Variants in PCDHA3 observed in about 807,000 individuals in gnomAD.
PCDHA3 encodes the protein protocadherin alpha-3.
Under a neutral mutation model 62.2 loss-of-function variants are expected in PCDHA3, and 41 were observed. The ratio of observed to expected loss-of-function variants is 0.66; its 90% CI spans 0.51 to 0.86. The LOEUF (loss-of-function observed/expected upper bound fraction) is 0.86, where lower values mean the gene tolerates loss of function less well. Among genes scored for constraint, PCDHA3 ranks in the 40% least tolerant of loss-of-function variants. PCDHA3 has a pLI of 0.00. For missense variants in PCDHA3, 1,304 were observed against 1,241.2 expected (o/e 1.05, Z -0.76); for synonymous variants, 640 against 555.4 (o/e 1.15, Z -2.14).
At position 140,958,540 on chromosome 5, in the gene PCDHA3, A is replaced by G. The variant is rs920451567; in HGVS notation, c.2395-20409A>G. 4.6e-5 allele frequency among the ~76,000 whole-genome samples: 7 copies of G among 152,312 alleles called. 1 individual carries two copies. In the East Asian group the frequency reaches 1.3e-3, roughly 29 times the overall value. On this transcript the variant is annotated intron_variant, in intron 1 of 3. Coordinates refer to ENST00000522353, the MANE Select transcript of PCDHA3 (RefSeq NM_018906.3). ...ATATATACTATGTGTACATTGATTT[A>G]TGAACCAATAAATGTTTCATACACA... is the stretch of plus-strand genomic sequence containing the variant.
chr5:141,007,653 C>T (rs373127730), intron 3 of PCDHA3, among the ~76,000 whole-genome samples: 1 of 152,126 alleles, frequency 6.6e-6, no homozygotes, highest in African/African-American at 2.4e-5. Context: ...GCCTAAAAAA[C>T]CATAAATTTA....
chr5:140,961,515 C>T (rs2095619049), intron 1 of PCDHA3, among the ~76,000 whole-genome samples: 1 of 152,092 alleles, frequency 6.6e-6, no homozygotes, highest in Admixed American at 6.5e-5. Flanking sequence ...TTTAATGTCT[C>T]CACAAATTCT....
intron 1 of PCDHA3, among the ~76,000 whole-genome samples, chr5:140,908,825 G>A (rs1554193511): frequency 1.3e-5 from 2 of 152,252 alleles, no homozygotes; most frequent in South Asian, 2.1e-4. Flanking sequence ...TGGGTTACTC[G>A]ATAAATGGGC....
At position 140,829,130 on chromosome 5, in the gene PCDHA3, G is replaced by T. The variant is rs2150162751; in HGVS notation, c.2394+25539G>T. 5 of 1,612,440 alleles carry T rather than the reference G, an allele frequency of 3.1e-6. No homozygotes were observed. The African/African-American group carries it at 6.7e-5, about 22-fold the overall frequency. On this transcript the variant is annotated intron_variant, in intron 1 of 3. Transcript: ENST00000522353. ...GAGAATTTTGGATAAAAATGATAAC[G>T]TCCCTGAGATAGCACTGACTTCCTT...
intron 1 of PCDHA3, among the ~76,000 whole-genome samples, chr5:140,903,649 T>C (rs1335268583): frequency 6.6e-6 from 1 of 152,236 alleles, no homozygotes; most frequent in Non-Finnish European, 1.5e-5. Context: ...CATATACATA[T>C]ATTATAAATT....
intron 3 of PCDHA3, among the ~76,000 whole-genome samples, chr5:140,990,384 T>A (rs2097391380): frequency 6.6e-6 from 1 of 152,186 alleles, no homozygotes; most frequent in Non-Finnish European, 1.5e-5. Context: ...TTGTTGGTGA[T>A]GTTCCAAGAA....
intron 1 of PCDHA3, chr5:140,836,035 T>C (rs1214967185): frequency 1.2e-6 from 2 of 1,613,438 alleles, no homozygotes; most frequent in Non-Finnish European, 8.5e-7. Context: ...AACGTGACGC[T>C]GCAGGTGTTC....
At chr5:140,865,279 T>C (rs2048807818) in intron 1 of PCDHA3, 1 of 152,232 alleles carries the variant, frequency 6.6e-6, no homozygotes, top group African/African-American at 2.4e-5. Flanking sequence ...TATGTAAAAT[T>C]ACTTTGCTCT....
intron 1 of PCDHA3, chr5:140,848,087 G>A (rs1781316611): frequency 5.9e-6 from 1 of 168,072 alleles, no homozygotes; most frequent in African/African-American, 2.4e-5. Flanking sequence ...AAACTTAAGT[G>A]GAGAGTTTTC....
chr5:140,807,165 G>A (rs1444375886), intron 1 of PCDHA3: 1 of 1,603,928 alleles, frequency 6.2e-7, no homozygotes, highest in Non-Finnish European at 8.5e-7. Context: ...TATTTAATCA[G>A]AACAAAATAC....
chr5:140,849,199 A>T (rs1581177103), intron 1 of PCDHA3: 1 of 1,039,344 alleles, frequency 9.6e-7, no homozygotes, highest in African/African-American at 2.0e-5. Flanking sequence ...GTACTGGACA[A>T]CAATGACAAT....
chr5:141,006,944 A>G (rs2098295543), intron 3 of PCDHA3, among the ~76,000 whole-genome samples: 1 of 152,202 alleles, frequency 6.6e-6, no homozygotes, highest in African/African-American at 2.4e-5. Context: ...GATACCAGAT[A>G]GGCAGTTATA....
rs1292162881 is a variant in PCDHA3, at chr5:140,830,633, C to A, written c.2394+27042C>A. 3 of 514,128 alleles carry A rather than the reference C, an allele frequency of 5.8e-6. No homozygotes were observed. The Admixed American group carries it at 1.2e-4, about 21-fold the overall frequency. The allele number at this position is 514,128 out of a possible 1,614,324, so 31.8% of individuals were successfully genotyped here. On this transcript the variant is annotated intron_variant, in intron 1 of 3. Transcript: ENST00000522353. ...ATTTTATTGTGTTTCTTATTTTAAT[C>A]TCTTTGCTTCTTTAATATTCATAAT...
chr5:140,909,575 G>A (rs114329297), intron 1 of PCDHA3, among the ~76,000 whole-genome samples: 373 of 152,290 alleles, frequency 2.4e-3, no homozygotes, highest in African/African-American at 8.5e-3. Context: ...CCAGAGATGT[G>A]ATATGTTTTT....
At chr5:141,005,556 G>T (rs62384513) in intron 3 of PCDHA3, among the ~76,000 whole-genome samples, 1 of 151,476 alleles carries the variant, frequency 6.6e-6, no homozygotes, top group South Asian at 2.1e-4. Flanking sequence ...ACAAAAATTA[G>T]CCGGGCATGG....
intron 1 of PCDHA3, chr5:140,821,411 G>A (rs966320829): frequency 1.1e-5 from 2 of 178,732 alleles, no homozygotes; most frequent in Non-Finnish European, 2.4e-5. Context: ...TTAAGATAGA[G>A]TTTAATGATA....
At chr5:140,976,871 A>G (rs2096735171) in intron 1 of PCDHA3, among the ~76,000 whole-genome samples, 2 of 152,224 alleles carry the variant, frequency 1.3e-5, no homozygotes, top group Non-Finnish European at 2.9e-5. Flanking sequence ...TGTCTGACAA[A>G]GAAAGAATTA....
At position 140,802,778 on chromosome 5, in the gene PCDHA3, G is replaced by A. The variant is rs144958581; in HGVS notation, c.1581G>A (p.Glu527=). 75 of 1,613,072 alleles carry A rather than the reference G, an allele frequency of 4.6e-5. No individual in the cohort carries two copies. The African/African-American group carries it at 6.0e-4, about 13-fold the overall frequency. The change falls in exon 1 of 4, where the codon GAG becomes GAA. Residue 527 remains glutamate, a synonymous_variant. Coordinates refer to ENST00000522353, the MANE Select transcript of PCDHA3 (RefSeq NM_018906.3). ...VYALQPLDHE[E]LELLQFQVSA... is the part of the protein sequence containing the mutation. ...CGCTGCAGCCGCTGGACCACGAGGA[G>A]CTAGAGCTGCTGCAGTTCCAGGTGA...
intron 3 of PCDHA3, among the ~76,000 whole-genome samples, chr5:140,987,890 C>T (rs1554249653): frequency 1.3e-5 from 2 of 152,020 alleles, no homozygotes; most frequent in African/African-American, 4.8e-5. Flanking sequence ...TTTATGTGCC[C>T]TAGTTTTATA....
Sources: gnomAD v4.1 joint callset for allele counts (sites outside exome capture counted in the v4.1 genomes callset) on GRCh38, gnomAD v4.1.1 for gene constraint, MANE v1.5 for transcripts, NCBI Gene and HGNC (gene_info 2026-07-23, HGNC 2026-07-21) for gene names.